AGBL1: variants seen among roughly 807,000 people sequenced by gnomAD.
AGBL1 encodes AGBL carboxypeptidase 1.
In AGBL1, 130 loss-of-function variants were observed where a neutral mutation model predicts 118.9. That is an observed-to-expected ratio of 1.09 (90% CI 0.95 to 1.26). The LOEUF (loss-of-function observed/expected upper bound fraction) is 1.26, where lower values mean the gene tolerates loss of function less well. Among genes scored for constraint, AGBL1 ranks in the 50% most tolerant of loss-of-function variants. The pLI is 0.00. For synonymous variants in AGBL1, 555 were observed against 478.9 expected, an observed-to-expected ratio of 1.16 and a Z score of -2.08; for missense variants, 1,584 against 1,298.1, an observed-to-expected ratio of 1.22 and a Z score of -3.38.
At chr15:86,670,326 G>A (rs553450444) in intron 21 of AGBL1, among the ~76,000 whole-genome samples, 250 of 152,058 alleles carry the variant, frequency 1.6e-3, no homozygotes, top group Non-Finnish European at 2.8e-3. Context: ...AATAAAGGCC[G>A]GGTGCGGTGG....
intron 22 of AGBL1, among the ~76,000 whole-genome samples, chr15:86,694,201 A>T (rs1263582987): frequency 1.3e-5 from 2 of 152,054 alleles, no homozygotes; most frequent in Admixed American, 1.3e-4. Flanking sequence ...GATCATTTTC[A>T]CAATATTGAT....
chr15:86,960,651 C>T (rs940010325), intron 23 of AGBL1, among the ~76,000 whole-genome samples: 36 of 151,878 alleles, frequency 2.4e-4, no homozygotes, highest in African/African-American at 8.7e-4. Flanking sequence ...AAATGACCAT[C>T]CCCAAGAGAT....
chr15:86,686,601 C>A (rs752086105), intron 22 of AGBL1, among the ~76,000 whole-genome samples: 1 of 151,934 alleles, frequency 6.6e-6, no homozygotes, highest in African/African-American at 2.4e-5. Context: ...CCACGCCCAG[C>A]TAATTTTTTG....
intron 5 of AGBL1, among the ~76,000 whole-genome samples, chr15:86,179,373 A>T (rs906597907): frequency 6.6e-6 from 1 of 152,208 alleles, no homozygotes; most frequent in African/African-American, 2.4e-5. Context: ...AGATCAAGTG[A>T]TATTTGTTGC....
At chr15:86,455,611 T>C (rs191484181) in intron 18 of AGBL1, among the ~76,000 whole-genome samples, 1 of 152,272 alleles carries the variant, frequency 6.6e-6, no homozygotes, top group East Asian at 1.9e-4. Flanking sequence ...TGGCTTAGCA[T>C]AAAATTTGGC....
chr15:86,676,674 C>T (rs1332870095), intron 22 of AGBL1, among the ~76,000 whole-genome samples: 2 of 152,196 alleles, frequency 1.3e-5, no homozygotes, highest in Non-Finnish European at 1.5e-5. Context: ...TACCACCCTC[C>T]TCTCCTCCTG....
At chr15:86,840,437 TC>T (rs1384154756) in intron 22 of AGBL1, among the ~76,000 whole-genome samples, 1 of 152,106 alleles carries the variant, frequency 6.6e-6, no homozygotes, top group African/African-American at 2.4e-5. Context: ...CATGTTCTAT[TC>T]TTTTTATTTT....
intron 22 of AGBL1, among the ~76,000 whole-genome samples, chr15:86,874,381 G>GACACACACACACACACACACACACACAC (rs58756904): frequency 6.7e-6 from 1 of 148,924 alleles, no homozygotes; most frequent in Admixed American, 6.7e-5. Context: ...TTGTGGGTGG[G>GACACACACACACACACACACACACACAC]ACACACACAC....
At chr15:86,354,074 C>A (rs2080674845) in intron 17 of AGBL1, among the ~76,000 whole-genome samples, 1 of 152,166 alleles carries the variant, frequency 6.6e-6, no homozygotes, top group South Asian at 2.1e-4. Flanking sequence ...GATGCAGCTG[C>A]TAAATGGCAT....
rs954002809 is a variant in AGBL1 at position 86,110,854 on chromosome 15, C to T, written c.51+30831C>T. On this transcript the variant is annotated intron_variant, in intron 1 of 22. Transcript: ENST00000614907. ...GAGCCAGAGGAAATAGTTGTTCCTG[C>T]ATTAAATACCATCCCTCCCTCCCTT... Among the ~76,000 whole-genome samples, 3 of 152,288 alleles carry T rather than the reference C, an allele frequency of 2.0e-5. No individual in the cohort carries two copies. The East Asian group carries it at 5.8e-4, about 29-fold the overall frequency.
At chr15:86,834,925 A>G (rs533694673) in intron 22 of AGBL1, among the ~76,000 whole-genome samples, 4 of 152,224 alleles carry the variant, frequency 2.6e-5, no homozygotes, top group African/African-American at 4.8e-5. Flanking sequence ...TTCCTTTCCT[A>G]TGGACTGTCT....
intron 21 of AGBL1, among the ~76,000 whole-genome samples, chr15:86,672,793 T>C (rs2085769680): frequency 6.6e-6 from 1 of 152,230 alleles, no homozygotes; most frequent in South Asian, 2.1e-4. Context: ...TGCTGTTGCT[T>C]AAGGAGGAAC....
At chr15:86,982,943 G>T (rs142728703) in intron 23 of AGBL1, among the ~76,000 whole-genome samples, 138 of 152,256 alleles carry the variant, frequency 9.1e-4, no homozygotes, top group African/African-American at 3.2e-3. Context: ...TTGAGAACCT[G>T]TGAGTTTGTC....
chr15:86,579,651 A>G lies in AGBL1; in HGVS notation c.2994+25114A>G, dbSNP rs2084146727. ...TGGAGTTTATTTCAGACACAGTAAG[A>G]ATCCATTGATAAGATTTAAAAAGAG... On this transcript the variant is annotated intron_variant, in intron 21 of 22. Transcript: ENST00000614907. Among the ~76,000 whole-genome samples, 11 of 152,320 alleles carry G rather than the reference A, an allele frequency of 7.2e-5. 2 individuals carry two copies. The South Asian group carries it at 2.1e-3, about 29-fold the overall frequency.
chr15:86,637,544 C>T (rs1396907917), intron 21 of AGBL1, among the ~76,000 whole-genome samples: 1 of 152,054 alleles, frequency 6.6e-6, no homozygotes, highest in Non-Finnish European at 1.5e-5. Flanking sequence ...TGATTCTGTG[C>T]TATGGGAATT....
intron 22 of AGBL1, among the ~76,000 whole-genome samples, chr15:86,782,404 A>C (rs1434892202): frequency 6.6e-6 from 1 of 152,198 alleles, no homozygotes; most frequent in Non-Finnish European, 1.5e-5. Flanking sequence ...ATTCAGGTGT[A>C]AACTCTACAG....
rs970443126 is a variant in AGBL1, at chr15:86,820,146, A to G, written c.3159-86941A>G. On this transcript the variant is annotated intron_variant, in intron 22 of 22. Transcript: ENST00000614907. ...CACCTTATACAAAAATTAACTCAAG[A>G]TGGATATAAGACTTAAACATAAGAC... Among the ~76,000 whole-genome samples, 136 of 152,334 alleles carry G rather than the reference A, an allele frequency of 8.9e-4. 1 individual carries two copies. The highest frequency in any genetic ancestry group is 3.2e-3 in the African/African-American group (131 of 41,586).
Position 86,325,675 on chromosome 15 carries a change from A to G in AGBL1, c.2374+30267A>G, listed in dbSNP as rs1005244449. The stretch of plus-strand genomic sequence containing the variant: ...CACAGCCATCTTCCATCCCCCTAGC[A>G]AGGTGAGCATCGAACAGTTAATCTC... On this transcript the variant is annotated intron_variant, in intron 17 of 22. Transcript: ENST00000614907. Among the ~76,000 whole-genome samples, 6 of 152,226 alleles carry G rather than the reference A, an allele frequency of 3.9e-5. No homozygotes were observed. In the East Asian group the frequency reaches 1.2e-3, roughly 29 times the overall value.
chr15:86,932,977 A>C (rs1227541209), intron 23 of AGBL1: 1 of 152,210 alleles, frequency 6.6e-6, no homozygotes, highest in Non-Finnish European at 1.5e-5. Context: ...AGTGTAAGTC[A>C]TTCTTCTAAA....
Sources: allele counts gnomAD v4.1 joint callset (sites outside exome capture counted in the v4.1 genomes callset), GRCh38; gene constraint gnomAD v4.1.1; transcripts MANE v1.5; gene names NCBI Gene and HGNC (gene_info 2026-07-23, HGNC 2026-07-21).